NELL1: variants seen among roughly 807,000 people sequenced by gnomAD.
The protein encoded by NELL1 is protein kinase C-binding protein NELL1.
Under a neutral mutation model 107.4 loss-of-function variants are expected in NELL1, and 76 were observed. That is an observed-to-expected ratio of 0.71 (90% CI 0.59 to 0.86). NELL1 has a LOEUF of 0.86. Ranked by LOEUF, NELL1 falls within the 40% of genes least tolerant of loss-of-function variation. NELL1 has a pLI of 0.00. For synonymous variants in NELL1, 353 were observed against 341.2 expected, an observed-to-expected ratio of 1.03 and a Z score of -0.38; for missense variants, 1,024 against 1,005.5, an observed-to-expected ratio of 1.02 and a Z score of -0.25.
intron 14 of NELL1, among the ~76,000 whole-genome samples, chr11:21,350,292 A>C (rs190585367): frequency 3.3e-4 from 51 of 152,258 alleles, no homozygotes; most frequent in Admixed American, 3.0e-3. Flanking sequence ...AGAATCATCA[A>C]ATGGAAACTA....
At chr11:21,093,539 T>G (rs934482391) in intron 12 of NELL1, among the ~76,000 whole-genome samples, 5 of 152,150 alleles carry the variant, frequency 3.3e-5, no homozygotes, top group African/African-American at 1.2e-4. Context: ...CAGCCATCTC[T>G]GTTACTGTAT....
chr11:21,060,859 C>T lies in NELL1; in HGVS notation c.1301-52730C>T, dbSNP rs954657088. ...TGGGATTACAGGCATGCTCAGCCTC[C>T]TGAGTAGCTGGGATTACAGGTGTGC... On this transcript the variant is annotated intron_variant, in intron 12 of 19. Coordinates refer to ENST00000357134, the MANE Select transcript of NELL1 (RefSeq NM_006157.5). Among the ~76,000 whole-genome samples the T allele has an allele frequency of 2.0e-5, 3 of 152,220 alleles. No homozygotes were observed. In the South Asian group the frequency reaches 6.2e-4, roughly 32 times the overall value.
chr11:21,190,642 G>T (rs1419000336), intron 13 of NELL1, among the ~76,000 whole-genome samples: 2 of 151,852 alleles, frequency 1.3e-5, no homozygotes, highest in African/African-American at 2.4e-5. Context: ...TAAGTGATCA[G>T]ATATTCTGAC....
chr11:20,772,718 T>TTGGCAGG (rs1856665207), intron 2 of NELL1, among the ~76,000 whole-genome samples: 2 of 152,172 alleles, frequency 1.3e-5, no homozygotes, highest in Non-Finnish European at 1.5e-5. Flanking sequence ...ACCTAAGGTC[T>TTGGCAGG]TACAGCAGGT....
chr11:21,542,340 G>A (rs1010162962), intron 16 of NELL1, among the ~76,000 whole-genome samples: 1 of 152,066 alleles, frequency 6.6e-6, no homozygotes, highest in East Asian at 1.9e-4. Flanking sequence ...CTTTCTGGAA[G>A]GGAGGAGAAC....
At chr11:20,960,662 C>T in intron 12 of NELL1, 102 bp downstream of exon 12, 2 of 1,250,404 alleles carry the variant, frequency 1.6e-6, no homozygotes, top group Middle Eastern at 2.0e-4. Flanking sequence ...GGCTGTGGTC[C>T]TATGCAATCC....
intron 14 of NELL1, among the ~76,000 whole-genome samples, chr11:21,297,400 T>A (rs1191892441): frequency 1.3e-5 from 2 of 152,092 alleles, no homozygotes; most frequent in Non-Finnish European, 2.9e-5. Flanking sequence ...ACAGTGTCAC[T>A]TTATGATAAG....
chr11:20,875,421 T>A (rs1017249145), intron 4 of NELL1, among the ~76,000 whole-genome samples: 3 of 152,134 alleles, frequency 2.0e-5, no homozygotes, highest in Admixed American at 1.3e-4. Context: ...GCCTATATTC[T>A]AGCCAGGTAT....
intron 13 of NELL1, among the ~76,000 whole-genome samples, chr11:21,166,832 A>G (rs1290154424): frequency 6.6e-6 from 1 of 151,940 alleles, no homozygotes; most frequent in African/African-American, 2.4e-5. Context: ...CACTCACTAA[A>G]TGTAAAAACA....
intron 12 of NELL1, among the ~76,000 whole-genome samples, chr11:20,977,812 T>A (rs1851670571): frequency 6.6e-6 from 1 of 152,214 alleles, no homozygotes; most frequent in Non-Finnish European, 1.5e-5. Flanking sequence ...AAATCCTAGT[T>A]GTTGTTGCTG....
In NELL1 at chr11:21,534,498, CG is replaced by C; in HGVS notation, c.1774del (p.Glu592SerfsTer11). 1 of 1,613,708 alleles carries C rather than the reference CG, an allele frequency of 6.2e-7. No homozygotes were observed. Among genetic ancestry groups the C allele is most frequent in the Non-Finnish European group, 8.5e-7 (1 of 1,179,788 alleles). ...ATGACGATGGGACCTATTCACTGTC[CG>C]GGGAGTCCTGTATTGGTAAGCAGCT... Reference protein sequence around the residue: ...FHDDGTYSLSGESCIDIDECA... With the variant: ...FHDDGTYSLSXESCIDIDECA... On this transcript the variant is annotated frameshift_variant, in exon 16 of 20. Transcript: ENST00000357134. LOFTEE classifies it high-confidence loss of function.
intron 15 of NELL1, among the ~76,000 whole-genome samples, chr11:21,472,489 A>C (rs931412528): frequency 2.6e-5 from 4 of 151,982 alleles, no homozygotes; most frequent in Non-Finnish European, 5.9e-5. Flanking sequence ...CCAGGTTTGC[A>C]GTTAACTACT....
At chr11:20,778,736 T>A (rs941847949) in intron 2 of NELL1, among the ~76,000 whole-genome samples, 10 of 152,136 alleles carry the variant, frequency 6.6e-5, no homozygotes, top group Non-Finnish European at 1.3e-4. Context: ...TGTGCGAAAC[T>A]ACCTTTATGC....
rs528266695 is a variant in NELL1, at chr11:20,874,738, A to G, written c.507-10706A>G. 3.9e-5 allele frequency among the ~76,000 whole-genome samples: 6 copies of G among 152,184 alleles called. No homozygotes were observed. The South Asian group carries it at 1.2e-3, about 32-fold the overall frequency. ...AGTGCCCCTTCCCTCTGTATACTAT[A>G]GTTCTGACTGCTAGAAAATTTTCTC... On this transcript the variant is annotated intron_variant, in intron 4 of 19. Transcript: ENST00000357134.
chr11:20,691,159 C>T (rs1193372290), intron 2 of NELL1, among the ~76,000 whole-genome samples: 4 of 152,044 alleles, frequency 2.6e-5, no homozygotes, highest in Non-Finnish European at 5.9e-5. Context: ...GCTGAAGTTG[C>T]TTATCAGCTT....
chr11:21,292,445 A>G (rs1590810951), intron 14 of NELL1, among the ~76,000 whole-genome samples: 1 of 152,356 alleles, frequency 6.6e-6, no homozygotes, highest in Non-Finnish European at 1.5e-5. Flanking sequence ...AAACAAATGC[A>G]AAAACATTCC....
At chr11:21,119,709 AT>A (rs924751853) in intron 13 of NELL1, among the ~76,000 whole-genome samples, 5 of 152,168 alleles carry the variant, frequency 3.3e-5, no homozygotes, top group African/African-American at 9.6e-5. Flanking sequence ...TCTTTTATGA[AT>A]TTTGAAACTG....
intron 2 of NELL1, among the ~76,000 whole-genome samples, chr11:20,683,289 T>G (rs909346589): frequency 2.6e-5 from 4 of 152,164 alleles, no homozygotes; most frequent in South Asian, 4.1e-4. Context: ...AATTATACGT[T>G]TAACTCATGT....
chr11:21,212,103 G>A (rs1313588307), intron 13 of NELL1, among the ~76,000 whole-genome samples: 7 of 152,118 alleles, frequency 4.6e-5, no homozygotes, highest in Admixed American at 4.6e-4. Flanking sequence ...TGGGATTACA[G>A]GTGTGAACCA....
Sources: allele counts gnomAD v4.1 joint callset (sites outside exome capture counted in the v4.1 genomes callset), GRCh38; gene constraint gnomAD v4.1.1; transcripts MANE v1.5; gene names NCBI Gene and HGNC (gene_info 2026-07-23, HGNC 2026-07-21).